The following BTF3 variants were observed in gnomAD, a reference collection of about 807,000 sequenced individuals.
BTF3 encodes the protein basic transcription factor 3.
A neutral mutation model predicts 23.9 loss-of-function variants in BTF3; 12 were observed. The ratio of observed to expected loss-of-function variants is 0.50; its 90% CI spans 0.32 to 0.81. BTF3 has a LOEUF of 0.81. Ranked by LOEUF, BTF3 falls within the 40% of genes least tolerant of loss-of-function variation. BTF3 has a pLI of 0.03. For missense variants in BTF3, 215 were observed against 255.9 expected, an observed-to-expected ratio of 0.84 and a Z score of 1.09; for synonymous variants, 96 against 94.8, an observed-to-expected ratio of 1.01 and a Z score of -0.07.
In BTF3 at chr5:73,504,707, C is replaced by G. The variant is rs530706564; in HGVS notation, c.574+304C>G. The G allele has an allele frequency of 1.4e-5, 3 of 219,540 alleles. No individual in the cohort carries two copies. In the South Asian group the frequency reaches 3.8e-4, roughly 27 times the overall value. The allele number at this position is 219,540 out of a possible 1,614,324, so 13.6% of individuals were successfully genotyped here. A position where few individuals can be genotyped will look rare whatever the true frequency, so the allele number is the denominator to read the frequency against. On this transcript the variant is annotated intron_variant, in intron 5 of 5. Coordinates refer to ENST00000380591, the MANE Select transcript of BTF3 (RefSeq NM_001037637.2). ...CTGCAGAGCACTAATGACCCTTGCT[C>G]CCTACTTTGAAACTCATGAATTTAC...
chr5:73,503,893 TCA>T (rs1472216867), intron 4 of BTF3, among the ~76,000 whole-genome samples: 1 of 152,208 alleles, frequency 6.6e-6, no homozygotes, highest in African/African-American at 2.4e-5. Context: ...TGCTTACCAC[TCA>T]CAGACTCTTT....
chr5:73,498,822 TGGCCGGGCCGGGCAGGCCCTGGCTA>T, intron 1 of BTF3, 23 bp downstream of exon 1: 3 of 1,469,324 alleles, frequency 2.0e-6, no homozygotes, highest in Non-Finnish European at 2.7e-6. Context: ...TTGCGGAGAG[TGGCCGGGCCGGGCAGGCCCTGGCTA>T]GGCCGAGGCC....
rs925825895 is a variant in BTF3 at position 73,498,473 on chromosome 5, T to C, written c.-195T>C. 10 of 659,400 alleles carry C rather than the reference T, an allele frequency of 1.5e-5. No individual in the cohort carries two copies. Among genetic ancestry groups the C allele is most frequent in the Non-Finnish European group, 2.3e-5 (10 of 441,852 alleles). The allele number at this position is 659,400 out of a possible 1,614,324, so 40.8% of individuals were successfully genotyped here. A position where few individuals can be genotyped will look rare whatever the true frequency, so the allele number is the denominator to read the frequency against. ...AGCTGCCATCTTGCGTCCCCGCGTG[T>C]GTGCGCCTAATCTCAGGTGGTCCAC... On this transcript the variant is annotated 5_prime_UTR_variant, in exon 1 of 6. Coordinates refer to ENST00000380591, the MANE Select transcript of BTF3 (RefSeq NM_001037637.2).
Position 73,502,582 on chromosome 5 carries a change from A to G in BTF3, c.296A>G (p.Asn99Ser), listed in dbSNP as rs376732614. The G allele has an allele frequency of 1.1e-5, 17 of 1,603,430 alleles. No individual in the cohort carries two copies. Among genetic ancestry groups the G allele is most frequent in the South Asian group, 1.1e-5 (1 of 88,210 alleles). ...QFSLKKLGVNNISGIEEVNMF... is the reference protein window; with the variant it reads ...QFSLKKLGVNSISGIEEVNMF... ...TCCTTAAAGAAGTTAGGGGTAAACA[A>G]TATCTCTGGTATTGAAGAGGCAAGT... is the stretch of plus-strand genomic sequence containing the variant. Residue 99 changes from asparagine to serine, a missense_variant, in exon 3 of 6, where the codon AAT (asparagine) becomes AGT (serine). By Grantham distance (46) the Asn-to-Ser change is conservative (BLOSUM62 1). This residue lies in a region of BTF3 where 99 missense variants were observed against 171.2 expected (regional missense o/e 0.58). Coordinates refer to ENST00000380591, the MANE Select transcript of BTF3 (RefSeq NM_001037637.2).
intron 5 of BTF3, chr5:73,504,940 C>G: frequency 2.6e-6 from 1 of 384,754 alleles, no homozygotes. Context: ...CCTTAGGAAT[C>G]CAGGAAAATT....
At chr5:73,500,851 C>G (rs1404235165) in intron 2 of BTF3, among the ~76,000 whole-genome samples, 1 of 151,120 alleles carries the variant, frequency 6.6e-6, no homozygotes, top group Non-Finnish European at 1.5e-5. Flanking sequence ...GAGAAGATTT[C>G]TTTGGAAACC....
chr5:73,498,687 C>T lies in BTF3; in HGVS notation c.20C>T (p.Pro7Leu), dbSNP rs1235897517. MRRTGA[P>L]AQADSRGRGR... is the part of the protein sequence containing the mutation. ...AAGGCGATGCGACGGACAGGCGCAC[C>T]CGCTCAGGCTGACTCTCGGGGGCGA... is the stretch of plus-strand genomic sequence containing the variant. The change falls in exon 1 of 6, where the codon CCC becomes CTC. Residue 7 changes from proline to leucine, a missense_variant. Physicochemically the swap from Pro to Leu is moderately conservative, Grantham distance 98. This residue lies in a region of BTF3 where 116 missense variants were observed against 84.7 expected (regional missense o/e 1.37). Coordinates refer to ENST00000380591, the MANE Select transcript of BTF3 (RefSeq NM_001037637.2). 1.3e-6 allele frequency: 2 copies of T among 1,499,234 alleles called. No individual in the cohort carries two copies. The allele number at this position is 1,499,234 out of a possible 1,614,324, so 92.9% of individuals were successfully genotyped here. A position where few individuals can be genotyped will look rare whatever the true frequency, so the allele number is the denominator to read the frequency against.
chr5:73,498,940 G>A (rs1746361895), intron 1 of BTF3, 141 bp downstream of exon 1: 1 of 1,337,158 alleles, frequency 7.5e-7, no homozygotes, highest in Non-Finnish European at 1.0e-6. Context: ...GGGAGCTGTG[G>A]GGGAGTGGTG....
At chr5:73,502,861 T>G in intron 3 of BTF3, 55 bp from the exon 4 acceptor site, 2 of 1,547,636 alleles carry the variant, frequency 1.3e-6, no homozygotes, top group Non-Finnish European at 1.8e-6. Context: ...ATAAAACATT[T>G]GTTTTTAAAG....
intron 2 of BTF3, among the ~76,000 whole-genome samples, chr5:73,500,736 ATTAT>A (rs1278136545): frequency 6.6e-6 from 1 of 152,210 alleles, no homozygotes. Context: ...ATTAATAATA[ATTAT>A]TTAAGTGAAA....
At chr5:73,504,246 ACAC>A (rs998606801) in intron 4 of BTF3, 98 bp from the exon 5 acceptor site, 123 of 801,298 alleles carry the variant, frequency 1.5e-4, no homozygotes, top group Non-Finnish European at 2.0e-4. Flanking sequence ...AGTTGTAACA[ACAC>A]TTGGCATTTC....
intron 1 of BTF3, 76 bp from the exon 2 acceptor site, chr5:73,499,058 T>C: frequency 6.9e-7 from 1 of 1,442,132 alleles, no homozygotes; most frequent in South Asian, 1.3e-5. Context: ...TTCCTGCTGG[T>C]ATCTTGGGAA....
rs760502541 is a variant in BTF3, at chr5:73,503,077, G to C, written c.477G>C (p.Leu159=). Reference sequence around the variant, plus strand: ...TAAACCAGCTTGGTGCGGATAGTCTGACTAGTTTAAGGAGACTGGCCGAAG... The same window carrying C: ...TAAACCAGCTTGGTGCGGATAGTCTCACTAGTTTAAGGAGACTGGCCGAAG... ...SILNQLGADS[L]TSLRRLAEAL... Residue 159 remains leucine, a synonymous_variant, in exon 4 of 6, where the codon CTG becomes CTC. Coordinates refer to ENST00000380591, the MANE Select transcript of BTF3 (RefSeq NM_001037637.2). 7 of 1,614,034 alleles carry C rather than the reference G, an allele frequency of 4.3e-6. No individual in the cohort carries two copies. In the South Asian group the frequency reaches 7.7e-5, roughly 18 times the overall value.
intron 5 of BTF3, 107 bp downstream of exon 5, chr5:73,504,510 C>A: frequency 1.3e-6 from 1 of 764,644 alleles, no homozygotes; most frequent in Non-Finnish European, 2.1e-6. Context: ...TTAAGATGGA[C>A]ATAGATCTTA....
intron 2 of BTF3, 106 bp downstream of exon 2, chr5:73,499,308 T>G (rs770906375): frequency 7.9e-7 from 1 of 1,263,580 alleles, no homozygotes; most frequent in South Asian, 1.3e-5. Context: ...AAACTTTGCC[T>G]ATCGAGGGAA....
At chr5:73,499,874 A>G (rs1003658550) in intron 2 of BTF3, among the ~76,000 whole-genome samples, 2 of 151,842 alleles carry the variant, frequency 1.3e-5, no homozygotes, top group African/African-American at 2.4e-5. Flanking sequence ...TTGTCCTGTA[A>G]TTAATAAGAA....
chr5:73,501,923 T>A (rs1294317172), intron 2 of BTF3, among the ~76,000 whole-genome samples: 1 of 152,068 alleles, frequency 6.6e-6, no homozygotes, highest in Non-Finnish European at 1.5e-5. Context: ...GTCCCAACAC[T>A]TTGGGAGGCC....
In BTF3 at chr5:73,505,471, G is replaced by GATT. The variant is rs1746534805; in HGVS notation, c.*235_*237dup. Reference sequence around the variant, plus strand: ...GCCTGGGAATCAAGTTTGAAACAAAGATTAATAAAGTTCTTTGCCTAGTAT... The same window carrying GATT: ...GCCTGGGAATCAAGTTTGAAACAAAGATTATTAATAAAGTTCTTTGCCTAGTAT... On this transcript the variant is annotated 3_prime_UTR_variant, in exon 6 of 6. Coordinates refer to ENST00000380591, the MANE Select transcript of BTF3 (RefSeq NM_001037637.2). 1 of 424,004 alleles carries GATT rather than the reference G, an allele frequency of 2.4e-6. No homozygotes were observed. Among genetic ancestry groups the GATT allele is most frequent in the Non-Finnish European group, 4.2e-6 (1 of 240,916 alleles). 26.3% of individuals were successfully genotyped at this position (424,004 alleles called of 1,614,324 possible).
intron 5 of BTF3, 115 bp downstream of exon 5, chr5:73,504,518 TTA>T: frequency 1.4e-6 from 1 of 693,416 alleles, no homozygotes; most frequent in East Asian, 2.9e-5. Context: ...GACATAGATC[TTA>T]CTTAGAATGA....
Sources: gnomAD v4.1 joint callset for allele counts (sites outside exome capture counted in the v4.1 genomes callset) on GRCh38, gnomAD v4.1.1 for gene constraint, gnomAD v4.1.1 regional missense constraint, MANE v1.5 for transcripts, NCBI Gene and HGNC (gene_info 2026-07-23, HGNC 2026-07-21) for gene names.